PHTF2: variants seen among roughly 807,000 people sequenced by gnomAD.
The protein encoded by PHTF2 is protein PHTF2.
Under a neutral mutation model 101.2 loss-of-function variants are expected in PHTF2, and 60 were observed. The observed-to-expected ratio is 0.59, with a 90% CI of 0.48 to 0.73. The LOEUF is 0.73. PHTF2 is among the 30% of genes least tolerant of loss of function. The pLI is 0.00. For missense variants in PHTF2, 747 were observed against 908.7 expected (o/e 0.82, Z 2.29); for synonymous variants, 311 against 307.3 (o/e 1.01, Z -0.13).
chr7:77,941,767 T>TA (rs1805658793), intron 15 of PHTF2, among the ~76,000 whole-genome samples: 1 of 152,168 alleles, frequency 6.6e-6, no homozygotes, highest in South Asian at 2.1e-4. Flanking sequence ...AGTTACCTCT[T>TA]ACCTGGCATT....
chr7:77,884,483 T>C (rs1021655434), intron 3 of PHTF2, among the ~76,000 whole-genome samples: 4 of 152,310 alleles, frequency 2.6e-5, no homozygotes, highest in African/African-American at 7.2e-5. Context: ...TGAGAACTTA[T>C]GGTATTTGAT....
chr7:77,949,243 T>G (rs1806332477), intron 16 of PHTF2, among the ~76,000 whole-genome samples: 1 of 152,114 alleles, frequency 6.6e-6, no homozygotes, highest in South Asian at 2.1e-4. Flanking sequence ...TTTCCTTTTT[T>G]TTTCCAACTC....
At chr7:77,841,786 TCAGTCTGCTTAGCTAAAG>T (rs1255193231) in intron 2 of PHTF2, among the ~76,000 whole-genome samples, 1 of 152,196 alleles carries the variant, frequency 6.6e-6, no homozygotes, top group Non-Finnish European at 1.5e-5. Flanking sequence ...AAGTTAAAAA[TCAGTCTGCTTAGCTAAAG>T]AGCTAAAGAA....
chr7:77,890,762 C>T (rs1362533042), intron 3 of PHTF2, among the ~76,000 whole-genome samples: 1 of 151,836 alleles, frequency 6.6e-6, no homozygotes, highest in African/African-American at 2.4e-5. Flanking sequence ...CCCGCCACCA[C>T]ACCCAGCTAA....
intron 12 of PHTF2, among the ~76,000 whole-genome samples, chr7:77,934,200 A>G (rs1804875807): frequency 6.6e-6 from 1 of 152,206 alleles, no homozygotes. Flanking sequence ...CCTTCTCATG[A>G]AAAAACACTG....
chr7:77,868,831 A>G (rs965513667), intron 3 of PHTF2, among the ~76,000 whole-genome samples: 3 of 152,192 alleles, frequency 2.0e-5, no homozygotes, highest in African/African-American at 7.2e-5. Context: ...TCACGTTTAA[A>G]AGGGGAATGA....
intron 17 of PHTF2, among the ~76,000 whole-genome samples, chr7:77,950,527 G>A (rs1244048601): frequency 6.6e-6 from 1 of 152,130 alleles, no homozygotes; most frequent in African/African-American, 2.4e-5. Flanking sequence ...CAGGTATGGT[G>A]GTGCGTGCCT....
At chr7:77,927,254 TGA>T (rs1804145426) in intron 11 of PHTF2, among the ~76,000 whole-genome samples, 1 of 143,666 alleles carries the variant, frequency 7.0e-6, no homozygotes, top group Non-Finnish European at 1.5e-5. Flanking sequence ...AGAGAGAGAT[TGA>T]TTGTGGAAAG....
intron 2 of PHTF2, among the ~76,000 whole-genome samples, chr7:77,850,218 G>T (rs996309113): frequency 2.0e-5 from 3 of 150,732 alleles, no homozygotes; most frequent in Non-Finnish European, 4.4e-5. Context: ...AAAAATCCAG[G>T]TGTGGTGGCA....
chr7:77,916,736 T>A (rs955372397), intron 9 of PHTF2, among the ~76,000 whole-genome samples: 1 of 152,056 alleles, frequency 6.6e-6, no homozygotes, highest in Non-Finnish European at 1.5e-5. Context: ...GCATATCCTC[T>A]CATTTACTTT....
chr7:77,835,572 GTACAAAGAA>G (rs1471750645), intron 1 of PHTF2, among the ~76,000 whole-genome samples: 2 of 152,102 alleles, frequency 1.3e-5, no homozygotes, highest in Non-Finnish European at 2.9e-5. Flanking sequence ...GACCATATTT[GTACAAAGAA>G]TACTCATAGG....
chr7:77,863,487 G>A (rs1484686553), intron 3 of PHTF2, among the ~76,000 whole-genome samples: 5 of 151,988 alleles, frequency 3.3e-5, no homozygotes, highest in Admixed American at 2.6e-4. Context: ...TAAATTACTA[G>A]GTAGAACCTC....
intron 16 of PHTF2, among the ~76,000 whole-genome samples, chr7:77,948,316 C>T (rs1016905047): frequency 2.0e-5 from 3 of 151,920 alleles, no homozygotes; most frequent in African/African-American, 7.3e-5. Context: ...GATCAGATGG[C>T]ATTATATATC....
At chr7:77,872,148 C>A (rs1011436453) in intron 3 of PHTF2, among the ~76,000 whole-genome samples, 1 of 152,158 alleles carries the variant, frequency 6.6e-6, no homozygotes, top group Non-Finnish European at 1.5e-5. Flanking sequence ...GAGTGGAAGT[C>A]CATGTTGCTG....
At chr7:77,807,346 C>A (rs974600922) in intron 1 of PHTF2, among the ~76,000 whole-genome samples, 4 of 151,770 alleles carry the variant, frequency 2.6e-5, no homozygotes, top group African/African-American at 9.7e-5. Flanking sequence ...CCAGTTGTTC[C>A]ACATCTTCAT....
chr7:77,879,633 T>C (rs1799242626), intron 3 of PHTF2, among the ~76,000 whole-genome samples: 1 of 152,006 alleles, frequency 6.6e-6, no homozygotes, highest in Non-Finnish European at 1.5e-5. Context: ...CTTTAACTCA[T>C]TTTTTTTCCT....
intron 1 of PHTF2, among the ~76,000 whole-genome samples, chr7:77,808,584 A>G (rs975848210): frequency 2.6e-5 from 4 of 152,208 alleles, no homozygotes; most frequent in African/African-American, 9.6e-5. Context: ...TTTTTCCTAC[A>G]TTGCATATGC....
intron 3 of PHTF2, among the ~76,000 whole-genome samples, chr7:77,867,253 G>A (rs116791874): frequency 1.3e-5 from 2 of 152,284 alleles, no homozygotes; most frequent in African/African-American, 2.4e-5. Flanking sequence ...ACAATGATTA[G>A]GGATTAAATG....
intron 3 of PHTF2, among the ~76,000 whole-genome samples, chr7:77,869,835 T>C (rs1798376437): frequency 6.6e-6 from 1 of 152,186 alleles, no homozygotes; most frequent in Admixed American, 6.5e-5. Context: ...TTTTTGTTGT[T>C]GCTGTTTTTG....
Sources: allele counts gnomAD v4.1 joint callset (sites outside exome capture counted in the v4.1 genomes callset), GRCh38; gene constraint gnomAD v4.1.1; transcripts MANE v1.5; gene names NCBI Gene and HGNC (gene_info 2026-07-23, HGNC 2026-07-21).